The following PDE11A variants were observed in gnomAD, a reference collection of about 807,000 sequenced individuals.
The protein encoded by PDE11A is phosphodiesterase 11A, also known as dual 3',5'-cyclic-AMP and -GMP phosphodiesterase 11A.
A neutral mutation model predicts 100.5 loss-of-function variants in PDE11A; 100 were observed. That is an observed-to-expected ratio of 1.00 (90% confidence interval 0.85 to 1.18). The LOEUF (loss-of-function observed/expected upper bound fraction) is 1.18. PDE11A is among the 50% of genes most tolerant of loss of function. PDE11A has a pLI of 0.00. For missense variants in PDE11A, 1,141 were observed against 1,152.6 expected, an observed-to-expected ratio of 0.99 and a Z score of 0.15; for synonymous variants, 381 against 420.8, an observed-to-expected ratio of 0.91 and a Z score of 1.16.
intron 9 of PDE11A, among the ~76,000 whole-genome samples, chr2:177,814,201 C>T (rs1473169133): frequency 1.3e-5 from 2 of 152,052 alleles, no homozygotes; most frequent in African/African-American, 4.8e-5. Context: ...GTTATAAATA[C>T]ATACTTTCCA....
At chr2:177,879,839 G>A (rs753666151) in intron 4 of PDE11A, among the ~76,000 whole-genome samples, 1 of 152,160 alleles carries the variant, frequency 6.6e-6, no homozygotes, top group Non-Finnish European at 1.5e-5. Context: ...TGTAAAAGAA[G>A]TTGGAGAAAC....
chr2:177,997,962 AAGGTT>A lies in PDE11A; in HGVS notation c.1071+16335_1071+16339del, dbSNP rs1332125862. 3 of 1,204,428 alleles carry A rather than the reference AAGGTT, an allele frequency of 2.5e-6. No homozygotes were observed. The African/African-American group carries it at 4.5e-5, about 18-fold the overall frequency. The allele number at this position is 1,204,428 out of a possible 1,614,324, so 74.6% of individuals were successfully genotyped here. A position where few individuals can be genotyped will look rare whatever the true frequency, so the allele number is the denominator to read the frequency against. ...CTTCCACTGCGGTAGTCAAGATACC[AAGGTT>A]AGGGAGAACCTGCTCACAGAAATAT... On this transcript the variant is annotated intron_variant, in intron 2 of 19. Coordinates refer to ENST00000286063, the MANE Select transcript of PDE11A (RefSeq NM_016953.4).
At chr2:177,636,747 T>C (rs1169379856) in intron 19 of PDE11A, among the ~76,000 whole-genome samples, 1 of 152,208 alleles carries the variant, frequency 6.6e-6, no homozygotes, top group African/African-American at 2.4e-5. Context: ...TTTTGCATTA[T>C]AGAATGCTCT....
intron 1 of PDE11A, among the ~76,000 whole-genome samples, chr2:178,038,540 A>G (rs1403153553): frequency 6.6e-6 from 1 of 152,146 alleles, no homozygotes; most frequent in Non-Finnish European, 1.5e-5. Context: ...ACAAATCAAT[A>G]AGAAAAAAGC....
chr2:178,085,600 G>A (rs956348604), intron 2 of PDE11A, among the ~76,000 whole-genome samples: 1 of 151,946 alleles, frequency 6.6e-6, no homozygotes. Flanking sequence ...AGAACAAAAT[G>A]TTACTAGTGT....
At chr2:177,963,215 C>T (rs2085657311) in intron 2 of PDE11A, among the ~76,000 whole-genome samples, 1 of 152,140 alleles carries the variant, frequency 6.6e-6, no homozygotes, top group South Asian at 2.1e-4. Flanking sequence ...GGTTCCTACT[C>T]AGACAATTTT....
intron 2 of PDE11A, among the ~76,000 whole-genome samples, chr2:178,091,217 C>T (rs1326165552): frequency 1.3e-5 from 2 of 152,052 alleles, no homozygotes; most frequent in South Asian, 2.1e-4. Flanking sequence ...ACTACAGGCA[C>T]GTACCATCAT....
intron 5 of PDE11A, among the ~76,000 whole-genome samples, chr2:177,874,562 T>C (rs899192530): frequency 2.6e-5 from 4 of 152,206 alleles, no homozygotes; most frequent in African/African-American, 9.7e-5. Flanking sequence ...CACTGATTGC[T>C]TGCAATCTTC....
chr2:178,047,291 G>T (rs1002371855), intron 1 of PDE11A, among the ~76,000 whole-genome samples: 1 of 151,858 alleles, frequency 6.6e-6, no homozygotes, highest in Non-Finnish European at 1.5e-5. Flanking sequence ...GTGAAACCCC[G>T]TCTTTACTAA....
chr2:178,058,267 T>C (rs1379271801), intron 1 of PDE11A, among the ~76,000 whole-genome samples: 1 of 152,218 alleles, frequency 6.6e-6, no homozygotes. Flanking sequence ...ATTCCTGATA[T>C]GGTTTGGCTG....
chr2:177,874,861 A>T (rs138304490), intron 5 of PDE11A, among the ~76,000 whole-genome samples: 1 of 152,236 alleles, frequency 6.6e-6, no homozygotes, highest in Admixed American at 6.5e-5. Context: ...ACTATTCCAT[A>T]TTAACTTACC....
chr2:177,635,623 T>C (rs2080027480), intron 19 of PDE11A, among the ~76,000 whole-genome samples: 1 of 152,174 alleles, frequency 6.6e-6, no homozygotes, highest in Non-Finnish European at 1.5e-5. Flanking sequence ...GGTACAAAGG[T>C]GCAATATAAA....
chr2:177,664,798 C>T lies in PDE11A; in HGVS notation c.2563-849G>A, dbSNP rs1044425768. ...AGAAGACTGGGCTATCTAGTTATAA[C>T]TTGCCCTCCCTTAATGTTATATAGT... On this transcript the variant is annotated intron_variant, in intron 18 of 19. Transcript: ENST00000286063. Among the ~76,000 whole-genome samples, 10 of 152,274 alleles carry T rather than the reference C, an allele frequency of 6.6e-5. No individual in the cohort carries two copies. In the East Asian group the frequency reaches 9.6e-4, roughly 15 times the overall value.
chr2:177,887,077 C>T (rs182770339), intron 4 of PDE11A, among the ~76,000 whole-genome samples: 1 of 152,152 alleles, frequency 6.6e-6, no homozygotes, highest in Non-Finnish European at 1.5e-5. Flanking sequence ...TACTACATAG[C>T]AGGAAATCTG....
At chr2:178,009,689 C>G (rs1375130094) in intron 2 of PDE11A, among the ~76,000 whole-genome samples, 1 of 152,106 alleles carries the variant, frequency 6.6e-6, no homozygotes, top group Non-Finnish European at 1.5e-5. Context: ...GTAGCACAGC[C>G]ACTGAATTAT....
chr2:177,836,381 T>A (rs202144984), intron 6 of PDE11A, among the ~76,000 whole-genome samples: 1 of 152,138 alleles, frequency 6.6e-6, no homozygotes, highest in East Asian at 1.9e-4. Context: ...AGCTCAAGGT[T>A]TGTAAATGCA....
In PDE11A at chr2:177,868,296, A is replaced by G. The variant is rs538000460; in HGVS notation, c.1367+7563T>C. 3.3e-5 allele frequency among the ~76,000 whole-genome samples: 5 copies of G among 151,966 alleles called. No homozygotes were observed. In the South Asian group the frequency reaches 1.1e-3, roughly 32 times the overall value. ...CGTAGGTGCTTCTCAAAGTTGAGGT[A>G]TATGTACTCTCTGGGGGAAATCATA... On this transcript the variant is annotated intron_variant, in intron 5 of 19. Transcript: ENST00000286063.
intron 9 of PDE11A, among the ~76,000 whole-genome samples, chr2:177,799,825 C>T (rs1328493427): frequency 6.6e-6 from 1 of 152,110 alleles, no homozygotes; most frequent in African/African-American, 2.4e-5. Flanking sequence ...ACCAGTTCAC[C>T]TTCTACTGAA....
intron 10 of PDE11A, among the ~76,000 whole-genome samples, chr2:177,767,481 A>G (rs544259744): frequency 6.6e-6 from 1 of 152,300 alleles, no homozygotes; most frequent in Admixed American, 6.5e-5. Flanking sequence ...CAATGATGAT[A>G]ATTATAACAA....
Sources: allele counts gnomAD v4.1 joint callset (sites outside exome capture counted in the v4.1 genomes callset), GRCh38; gene constraint gnomAD v4.1.1; transcripts MANE v1.5; gene names NCBI Gene and HGNC (gene_info 2026-07-23, HGNC 2026-07-21).